The following RNF150 variants were observed in gnomAD, a reference collection of about 807,000 sequenced individuals.
RNF150 encodes the protein ring finger protein 150.
A neutral mutation model predicts 39.3 loss-of-function variants in RNF150; 24 were observed. The observed-to-expected ratio is 0.61, with a 90% CI of 0.44 to 0.86. The LOEUF (loss-of-function observed/expected upper bound fraction) is 0.86. Among genes scored for constraint, RNF150 ranks in the 40% least tolerant of loss-of-function variants. RNF150 has a pLI of 0.00. For synonymous variants in RNF150, 255 were observed against 227.3 expected (o/e 1.12, Z -1.10); for missense variants, 502 against 587.8 (o/e 0.85, Z 1.51).
chr4:141,180,982 T>C (rs1177908409), intron 1 of RNF150, among the ~76,000 whole-genome samples: 1 of 152,222 alleles, frequency 6.6e-6, no homozygotes, highest in Non-Finnish European at 1.5e-5. Flanking sequence ...AGTTTTTTTA[T>C]ATTTATTATT....
intron 1 of RNF150, among the ~76,000 whole-genome samples, chr4:141,211,686 T>C (rs1454325163): frequency 6.6e-6 from 1 of 151,934 alleles, no homozygotes; most frequent in Non-Finnish European, 1.5e-5. Context: ...CTTTGTTTTT[T>C]TTTTGGAGAT....
At chr4:141,206,645 T>C (rs1280681336) in intron 1 of RNF150, among the ~76,000 whole-genome samples, 1 of 152,040 alleles carries the variant, frequency 6.6e-6, no homozygotes, top group East Asian at 1.9e-4. Context: ...TGTGACTGTG[T>C]TACATGACCT....
chr4:141,191,175 C>T lies in RNF150; in HGVS notation c.-6+21619G>A, dbSNP rs74874893. On this transcript the variant is annotated intron_variant, in intron 1 of 7. Coordinates refer to the RNF150 transcript ENST00000420921. ...CCTGGGTTACTTTCTGGATGGTGAC[C>T]GCTAAGTTAGGACTGATCCTATCCC... Among the ~76,000 whole-genome samples, 1,499 of 152,268 alleles carry T rather than the reference C, an allele frequency of 9.8e-3. 34 individuals are homozygous for T. Among genetic ancestry groups the T allele is most frequent in the African/African-American group, 0.035 (1,434 of 41,540 alleles).
At position 141,005,989 on chromosome 4, in the gene RNF150, A is replaced by G. The variant is rs993706444; in HGVS notation, c.485-38116T>C. On this transcript the variant is annotated intron_variant, in intron 1 of 6. Coordinates refer to ENST00000515673, the MANE Select transcript of RNF150 (RefSeq NM_020724.2). ...GAGGCTGAGGCAGGAGAATGGCGTG[A>G]ACCCGGGAGGCGGAGTTTGCAGTGA... is the stretch of plus-strand genomic sequence containing the variant. Among the ~76,000 whole-genome samples, 26 of 132,688 alleles carry G rather than the reference A, an allele frequency of 2.0e-4. 2 individuals carry two copies. In the South Asian group the frequency reaches 6.0e-3, roughly 31 times the overall value. The allele number at this position is 132,688 out of a possible 152,430, so 87.0% of individuals were successfully genotyped here.
chr4:140,908,525 G>A (rs1400060162), intron 6 of RNF150, among the ~76,000 whole-genome samples: 1 of 152,024 alleles, frequency 6.6e-6, no homozygotes, highest in Non-Finnish European at 1.5e-5. Context: ...ATCTTTACCA[G>A]TAGCTTCCTT....
chr4:141,171,470 GA>G, intron 1 of RNF150, among the ~76,000 whole-genome samples: 1 of 151,160 alleles, frequency 6.6e-6, no homozygotes, highest in South Asian at 2.1e-4. Flanking sequence ...AAGAGAGAGA[GA>G]GAGAGAGAGA....
intron 1 of RNF150, among the ~76,000 whole-genome samples, chr4:141,079,783 G>A (rs1042770885): frequency 2.0e-5 from 3 of 152,210 alleles, no homozygotes; most frequent in African/African-American, 7.2e-5. Context: ...TTTCATGTCT[G>A]GCATTTATGT....
At chr4:141,195,102 A>G (rs1020640655) in intron 1 of RNF150, among the ~76,000 whole-genome samples, 2 of 139,076 alleles carry the variant, frequency 1.4e-5, no homozygotes, top group African/African-American at 5.9e-5. Flanking sequence ...TTCCAGATAC[A>G]TGAATACACA....
At chr4:141,198,736 GT>G (rs1271776328) in intron 1 of RNF150, among the ~76,000 whole-genome samples, 1 of 152,182 alleles carries the variant, frequency 6.6e-6, no homozygotes, top group Non-Finnish European at 1.5e-5. Flanking sequence ...TTATTGCTCA[GT>G]TTGGGGCTAA....
intron 1 of RNF150, among the ~76,000 whole-genome samples, chr4:141,022,287 A>G (rs1202861494): frequency 6.6e-6 from 1 of 151,938 alleles, no homozygotes; most frequent in Non-Finnish European, 1.5e-5. Flanking sequence ...CTGTCAGCTT[A>G]TGTTCCTCTT....
At chr4:140,969,268 T>C (rs1043087741) in intron 1 of RNF150, among the ~76,000 whole-genome samples, 6 of 152,158 alleles carry the variant, frequency 3.9e-5, no homozygotes, top group African/African-American at 1.4e-4. Flanking sequence ...AGTGTCTGTG[T>C]ATGCTACATC....
chr4:140,930,069 G>A (rs1400710458), intron 4 of RNF150, among the ~76,000 whole-genome samples: 1 of 152,186 alleles, frequency 6.6e-6, no homozygotes, highest in Non-Finnish European at 1.5e-5. Context: ...GCTGACATGG[G>A]AGAATTGCTT....
intron 1 of RNF150, among the ~76,000 whole-genome samples, chr4:141,014,407 G>A (rs1001354580): frequency 5.3e-5 from 8 of 152,208 alleles, no homozygotes; most frequent in African/African-American, 1.9e-4. Flanking sequence ...AGTTTTTTGA[G>A]GAACCTCCAC....
rs1351197207 is a variant in RNF150, at chr4:140,973,746, G to A, written c.485-5873C>T. 2.6e-5 allele frequency among the ~76,000 whole-genome samples: 4 copies of A among 151,654 alleles called. 1 individual carries two copies. Among genetic ancestry groups the A allele is most frequent in the African/African-American group, 2.4e-5 (1 of 41,318 alleles). ...ACAAAAATTAGACGGGGATGGTGGC[G>A]TGTGCCTGTAATCCCAGCTACTTGG... On this transcript the variant is annotated intron_variant, in intron 1 of 6. Coordinates refer to ENST00000515673, the MANE Select transcript of RNF150 (RefSeq NM_020724.2).
intron 1 of RNF150, among the ~76,000 whole-genome samples, chr4:140,986,218 C>T (rs930192489): frequency 6.6e-5 from 10 of 151,984 alleles, no homozygotes; most frequent in Non-Finnish European, 1.0e-4. Context: ...GAAGAAAATG[C>T]GCTGCCCACG....
At chr4:141,184,329 C>T (rs532365726) in intron 1 of RNF150, among the ~76,000 whole-genome samples, 310 of 152,260 alleles carry the variant, frequency 2.0e-3, no homozygotes, top group Non-Finnish European at 3.5e-3. Context: ...TGTTCATATC[C>T]TTTGCCCACT....
At chr4:140,921,231 A>G (rs1448053758) in intron 5 of RNF150, among the ~76,000 whole-genome samples, 3 of 151,826 alleles carry the variant, frequency 2.0e-5, no homozygotes, top group Non-Finnish European at 4.4e-5. Flanking sequence ...CAAGACTAAT[A>G]AAGAAGAAAA....
intron 1 of RNF150, among the ~76,000 whole-genome samples, chr4:141,170,601 A>G (rs2111171358): frequency 6.6e-6 from 1 of 152,256 alleles, no homozygotes; most frequent in East Asian, 1.9e-4. Context: ...AAAATTATCT[A>G]GTTATTTTTT....
chr4:141,148,733 G>A (rs1284961729), intron 1 of RNF150, among the ~76,000 whole-genome samples: 2 of 152,134 alleles, frequency 1.3e-5, no homozygotes, highest in Admixed American at 6.5e-5. Flanking sequence ...GCACCACCAC[G>A]CCCAGCGCTT....
Sources: allele counts gnomAD v4.1 joint callset (sites outside exome capture counted in the v4.1 genomes callset), GRCh38; gene constraint gnomAD v4.1.1; transcripts MANE v1.5; gene names NCBI Gene and HGNC (gene_info 2026-07-23, HGNC 2026-07-21).